Variants in CAMSAP2 observed in about 807,000 individuals in gnomAD.
The protein encoded by CAMSAP2 is calmodulin regulated spectrin associated protein family member 2, also known as calmodulin-regulated spectrin-associated protein 2.
Under a neutral mutation model 146.1 loss-of-function variants are expected in CAMSAP2, and 26 were observed. That is an observed-to-expected ratio of 0.18 (90% CI 0.13 to 0.25). CAMSAP2 has a LOEUF of 0.25. CAMSAP2 is among the 10% of genes least tolerant of loss of function. CAMSAP2 has a pLI of 1.00. For synonymous variants in CAMSAP2, 499 were observed against 596.6 expected (o/e 0.84, Z 2.38); for missense variants, 1,381 against 1,759.3 (o/e 0.78, Z 3.85).
intron 1 of CAMSAP2, among the ~76,000 whole-genome samples, chr1:200,757,485 C>T (rs1664682897): frequency 6.6e-6 from 1 of 152,134 alleles, no homozygotes; most frequent in Non-Finnish European, 1.5e-5. Flanking sequence ...GTATTTCATT[C>T]AGCTGTTCTG....
chr1:200,848,726 C>T lies in CAMSAP2; in HGVS notation c.1957C>T (p.Arg653Ter), dbSNP rs1465200383. The change falls in exon 11 of 17, where the codon CGA (arginine) becomes TGA (stop). Residue 653 changes from arginine (R) to a stop codon, truncating the protein, a stop_gained. Coordinates refer to ENST00000358823, the MANE Select transcript of CAMSAP2 (RefSeq NM_203459.4). LOFTEE classifies it high-confidence loss of function. ...ASKFLQDYDI[R>*]TGNTREALSP... ...TAAATTTCTTCAGGATTATGATATT[C>T]GAACTGGCAACACCAGGGAAGCTTT... The T allele has an allele frequency of 6.2e-7, 1 of 1,613,958 alleles. No individual in the cohort carries two copies. The highest frequency in any genetic ancestry group is 1.3e-5 in the African/African-American group (1 of 74,892).
chr1:200,750,627 C>CTT (rs11342306), intron 1 of CAMSAP2, among the ~76,000 whole-genome samples: 1 of 143,022 alleles, frequency 7.0e-6, no homozygotes, highest in Non-Finnish European at 1.5e-5. Context: ...ATAGATACAT[C>CTT]TTTTTTTTTT....
chr1:200,839,514 G>A (rs1468325006), intron 6 of CAMSAP2, among the ~76,000 whole-genome samples: 3 of 152,148 alleles, frequency 2.0e-5, no homozygotes, highest in Non-Finnish European at 2.9e-5. Context: ...ATATGTAGGA[G>A]AGAAAAGTAG....
intron 3 of CAMSAP2, among the ~76,000 whole-genome samples, chr1:200,814,583 C>T (rs1438411709): frequency 1.5e-5 from 2 of 134,626 alleles, no homozygotes; most frequent in East Asian, 4.3e-4. Context: ...GCACTCCAGC[C>T]TGGGCGACAG....
At position 200,857,674 on chromosome 1, in the gene CAMSAP2, CATA is replaced by C; in HGVS notation, c.4132-77_4132-75del. 8.2e-7 allele frequency: 1 copy of C among 1,218,526 alleles called. No homozygotes were observed. The allele number at this position is 1,218,526 out of a possible 1,614,324, so 75.5% of individuals were successfully genotyped here. A position where few individuals can be genotyped will look rare whatever the true frequency, so the allele number is the denominator to read the frequency against. On this transcript the variant is annotated intron_variant, in intron 16 of 16. Transcript: ENST00000358823. The surrounding 1 kb of genome is among the most constrained non-coding windows in gnomAD (Gnocchi z 4.7). ...TATAAAATGTGACTAAGAAACGTAA[CATA>C]ATTATATAAACTTTATTCAGCAAAA...
intron 1 of CAMSAP2, among the ~76,000 whole-genome samples, chr1:200,740,184 A>C (rs1206416345): frequency 6.6e-6 from 1 of 152,028 alleles, no homozygotes; most frequent in Non-Finnish European, 1.5e-5. Context: ...ATTTGGCCAG[A>C]TTCCTTTTAT....
intron 2 of CAMSAP2, among the ~76,000 whole-genome samples, chr1:200,770,036 A>G (rs972773183): frequency 2.0e-5 from 3 of 152,218 alleles, no homozygotes; most frequent in Non-Finnish European, 2.9e-5. Flanking sequence ...AAAGCAATAT[A>G]TATCATAACA....
chr1:200,778,001 G>T (rs1665328510), intron 2 of CAMSAP2, among the ~76,000 whole-genome samples: 1 of 152,188 alleles, frequency 6.6e-6, no homozygotes, highest in Admixed American at 6.5e-5. Flanking sequence ...ACTTTGGGAG[G>T]CTAAGGCCAG....
At chr1:200,828,369 G>C (rs189003222) in intron 4 of CAMSAP2, among the ~76,000 whole-genome samples, 1 of 152,246 alleles carries the variant, frequency 6.6e-6, no homozygotes, top group East Asian at 1.9e-4. Context: ...AGAGGAGAGA[G>C]ACAGGAGAAG....
intron 1 of CAMSAP2, among the ~76,000 whole-genome samples, chr1:200,754,661 C>T (rs1161003831): frequency 7.1e-6 from 1 of 140,256 alleles, no homozygotes; most frequent in Non-Finnish European, 1.5e-5. Flanking sequence ...CGGCTCAGTG[C>T]AAGCTCTGCC....
chr1:200,807,402 C>G lies in CAMSAP2; in HGVS notation c.426C>G (p.Thr142=). Residue 142 remains threonine (T), a synonymous_variant, in exon 3 of 17, where the codon ACC becomes ACG. Transcript: ENST00000358823. The part of the protein sequence containing the change: ...QMSAHLAMID[T]LMMAYTVEMV... ...GTGCACATTTGGCCATGATCGATAC[C>G]CTCATGATGGCTTATACTGTAGAAA... 1.3e-6 allele frequency: 2 copies of G among 1,579,840 alleles called. No individual in the cohort carries two copies. Among genetic ancestry groups the G allele is most frequent in the Non-Finnish European group, 1.7e-6 (2 of 1,161,340 alleles).
At chr1:200,767,361 CAAAA>C (rs755665820) in intron 2 of CAMSAP2, among the ~76,000 whole-genome samples, 1 of 72,980 alleles carries the variant, frequency 1.4e-5, no homozygotes, top group African/African-American at 5.3e-5. Context: ...GACTCCATCT[CAAAA>C]AAAAAAAAAA....
intron 2 of CAMSAP2, among the ~76,000 whole-genome samples, chr1:200,780,494 A>G (rs1161685119): frequency 6.6e-6 from 1 of 152,212 alleles, no homozygotes; most frequent in Non-Finnish European, 1.5e-5. Flanking sequence ...AACTTATTTC[A>G]AGTAAGTATA....
intron 4 of CAMSAP2, among the ~76,000 whole-genome samples, chr1:200,817,124 A>T (rs1189313644): frequency 7.0e-6 from 1 of 143,268 alleles, no homozygotes; most frequent in Non-Finnish European, 1.6e-5. Context: ...GTGTATATAC[A>T]CGTATATATG....
rs1667550060 is a variant in CAMSAP2, at chr1:200,849,261, G to A, written c.2492G>A (p.Ser831Asn). Reference sequence around the variant, plus strand: ...TCACAAAAAACTGATGGACAAAGGAGCAAGTCACTGGCAGATATAAAAGAG... The same window carrying A: ...TCACAAAAAACTGATGGACAAAGGAACAAGTCACTGGCAGATATAAAAGAG... ...KESQKTDGQR[S>N]KSLADIKESM... is the part of the protein sequence containing the mutation. The change falls in exon 11 of 17, where the codon AGC becomes AAC. Residue 831 changes from serine (S) to asparagine (N), a missense_variant. Coordinates refer to ENST00000358823, the MANE Select transcript of CAMSAP2 (RefSeq NM_203459.4). This position sits in a 1 kb window ranked among gnomAD's most constrained non-coding sequence, Gnocchi z 6.3. 1 of 1,613,908 alleles carries A rather than the reference G, an allele frequency of 6.2e-7. No homozygotes were observed.
chr1:200,793,887 T>G (rs752642648), intron 2 of CAMSAP2, among the ~76,000 whole-genome samples: 1 of 152,184 alleles, frequency 6.6e-6, no homozygotes, highest in Non-Finnish European at 1.5e-5. Flanking sequence ...AGTGCATTCT[T>G]TATAAGGTAA....
chr1:200,811,431 A>T (rs1290936218), intron 3 of CAMSAP2, among the ~76,000 whole-genome samples: 1 of 152,136 alleles, frequency 6.6e-6, no homozygotes, highest in Non-Finnish European at 1.5e-5. Context: ...ATTTCCCTTG[A>T]TTCCTCCTGC....
At chr1:200,808,001 C>A (rs544192672) in intron 3 of CAMSAP2, among the ~76,000 whole-genome samples, 1 of 152,170 alleles carries the variant, frequency 6.6e-6, no homozygotes, top group Non-Finnish European at 1.5e-5. Context: ...CTTGGCCTCC[C>A]AAAGTGCTGC....
At chr1:200,788,643 C>CTTTTTTTT (rs71564133) in intron 2 of CAMSAP2, among the ~76,000 whole-genome samples, 1 of 122,424 alleles carries the variant, frequency 8.2e-6, no homozygotes, top group African/African-American at 3.0e-5. Flanking sequence ...TTCTTTTTTT[C>CTTTTTTTT]TTTTTTTTTT....
Sources: allele counts gnomAD v4.1 joint callset (sites outside exome capture counted in the v4.1 genomes callset), GRCh38; gene constraint gnomAD v4.1.1; non-coding constraint Gnocchi (gnomAD v3.1); transcripts MANE v1.5; gene names NCBI Gene and HGNC (gene_info 2026-07-23, HGNC 2026-07-21).